Variants in LRRTM4 observed in about 807,000 individuals in gnomAD.
LRRTM4 encodes leucine rich repeat transmembrane neuronal 4, also known as leucine-rich repeat transmembrane neuronal protein 4.
A neutral mutation model predicts 47.6 loss-of-function variants in LRRTM4; 25 were observed. The observed-to-expected ratio is 0.53, with a 90% CI of 0.38 to 0.73. The LOEUF (loss-of-function observed/expected upper bound fraction) is 0.73. Among genes scored for constraint, LRRTM4 ranks in the 30% least tolerant of loss-of-function variants. The pLI, the probability that LRRTM4 is intolerant of heterozygous loss-of-function variation, is 0.00. For missense variants in LRRTM4, 638 were observed against 713.4 expected, an observed-to-expected ratio of 0.89 and a Z score of 1.20; for synonymous variants, 311 against 269.5, an observed-to-expected ratio of 1.15 and a Z score of -1.51.
chr2:77,143,907 A>G (rs1672189411), intron 3 of LRRTM4, among the ~76,000 whole-genome samples: 1 of 152,232 alleles, frequency 6.6e-6, no homozygotes, highest in Non-Finnish European at 1.5e-5. Context: ...TTACACACAG[A>G]CAAAATACAC....
At chr2:77,504,484 G>T (rs1678692626) in intron 3 of LRRTM4, among the ~76,000 whole-genome samples, 1 of 151,428 alleles carries the variant, frequency 6.6e-6, no homozygotes, top group African/African-American at 2.4e-5. Flanking sequence ...TCAGACATTG[G>T]CAGTATTATA....
intron 3 of LRRTM4, among the ~76,000 whole-genome samples, chr2:77,193,847 G>A (rs1341256375): frequency 6.6e-6 from 1 of 152,070 alleles, no homozygotes; most frequent in East Asian, 1.9e-4. Context: ...ACTGACCTGC[G>A]TTTATATCCG....
intron 3 of LRRTM4, among the ~76,000 whole-genome samples, chr2:77,313,343 C>G (rs1677518184): frequency 6.6e-6 from 1 of 151,694 alleles, no homozygotes; most frequent in African/African-American, 2.4e-5. Flanking sequence ...TTCCTGGGAC[C>G]TGGTGCTGGG....
chr2:76,976,266 T>C (rs1676415033), intron 3 of LRRTM4, among the ~76,000 whole-genome samples: 1 of 151,728 alleles, frequency 6.6e-6, no homozygotes, highest in Non-Finnish European at 1.5e-5. Context: ...TAAAAGTGCA[T>C]CTAAAATAAT....
chr2:76,900,445 C>T (rs553733215), intron 3 of LRRTM4, among the ~76,000 whole-genome samples: 6 of 152,132 alleles, frequency 3.9e-5, no homozygotes, highest in African/African-American at 1.4e-4. Context: ...AGTCATTGCT[C>T]ACATTAAGTT....
chr2:77,055,216 GGA>G (rs1679562781), intron 3 of LRRTM4, among the ~76,000 whole-genome samples: 4 of 152,160 alleles, frequency 2.6e-5, no homozygotes, highest in Admixed American at 2.0e-4. Context: ...CTGGGCTGCT[GGA>G]TACCTGATGA....
chr2:77,301,161 C>T (rs112996905), intron 3 of LRRTM4, among the ~76,000 whole-genome samples: 59 of 152,112 alleles, frequency 3.9e-4, no homozygotes, highest in African/African-American at 1.3e-3. Flanking sequence ...TTAGATGCTT[C>T]ATGGAATTTT....
chr2:77,111,967 C>T (rs1465543949), intron 3 of LRRTM4, among the ~76,000 whole-genome samples: 8 of 152,118 alleles, frequency 5.3e-5, no homozygotes, highest in East Asian at 3.9e-4. Context: ...TTTCAGGCAT[C>T]GACTGGGGGT....
intron 3 of LRRTM4, among the ~76,000 whole-genome samples, chr2:77,097,437 A>G (rs987337241): frequency 2.6e-5 from 4 of 152,124 alleles, no homozygotes; most frequent in East Asian, 3.9e-4. Flanking sequence ...TTCCACTCCA[A>G]TGAAATTAAG....
At chr2:77,123,918 AC>A (rs1179110752) in intron 3 of LRRTM4, among the ~76,000 whole-genome samples, 1 of 152,112 alleles carries the variant, frequency 6.6e-6, no homozygotes, top group African/African-American at 2.4e-5. Flanking sequence ...ATCACACTTT[AC>A]ATGCCATTGC....
At chr2:76,843,897 CTTTCT>C (rs1211455163) in intron 3 of LRRTM4, among the ~76,000 whole-genome samples, 4 of 148,948 alleles carry the variant, frequency 2.7e-5, no homozygotes, top group South Asian at 2.2e-4. Context: ...ATGATAATTT[CTTTCT>C]TTTTTCATTT....
chr2:76,898,030 C>A (rs1673481686), intron 3 of LRRTM4, among the ~76,000 whole-genome samples: 1 of 152,110 alleles, frequency 6.6e-6, no homozygotes, highest in African/African-American at 2.4e-5. Context: ...CAGATTTGCT[C>A]CTTTGTTCAG....
chr2:76,876,609 T>C (rs1317255499), intron 3 of LRRTM4, among the ~76,000 whole-genome samples: 2 of 152,068 alleles, frequency 1.3e-5, no homozygotes, highest in South Asian at 2.1e-4. Flanking sequence ...CAGATGTTTA[T>C]AGAAAGTAGA....
At chr2:77,360,742 G>T (rs997676353) in intron 3 of LRRTM4, among the ~76,000 whole-genome samples, 1 of 151,940 alleles carries the variant, frequency 6.6e-6, no homozygotes, top group Admixed American at 6.6e-5. Flanking sequence ...GTAACTAAAT[G>T]GAATTGAATG....
intron 3 of LRRTM4, among the ~76,000 whole-genome samples, chr2:77,479,826 ACTT>A (rs1238022641): frequency 6.6e-6 from 1 of 151,402 alleles, no homozygotes; most frequent in Non-Finnish European, 1.5e-5. Flanking sequence ...GGCTCATCAG[ACTT>A]CTTCAGAATG....
rs1043031683 is a variant in LRRTM4 at position 77,089,067 on chromosome 2, G to A, written c.1552-340151C>T. Among the ~76,000 whole-genome samples the A allele has an allele frequency of 1.1e-4, 16 of 151,938 alleles. No individual in the cohort carries two copies. The South Asian group carries it at 3.1e-3, about 30-fold the overall frequency. Reference sequence around the variant, plus strand: ...TGCAGGGACACCTCTCTGATTATACGCCCACGTTTCAAGGGTGTCAGACCA... The same window carrying A: ...TGCAGGGACACCTCTCTGATTATACACCCACGTTTCAAGGGTGTCAGACCA... On this transcript the variant is annotated intron_variant, in intron 3 of 3. Transcript: ENST00000409884.
At chr2:77,062,612 C>T (rs1470345484) in intron 3 of LRRTM4, among the ~76,000 whole-genome samples, 2 of 152,112 alleles carry the variant, frequency 1.3e-5, no homozygotes, top group East Asian at 3.9e-4. Context: ...TACTTTAAAA[C>T]CCTAGAATAG....
intron 3 of LRRTM4, among the ~76,000 whole-genome samples, chr2:76,849,591 A>G (rs1269578636): frequency 6.6e-6 from 1 of 152,108 alleles, no homozygotes; most frequent in Non-Finnish European, 1.5e-5. Flanking sequence ...AAGGCGACTT[A>G]AAACAATCTA....
intron 3 of LRRTM4, among the ~76,000 whole-genome samples, chr2:76,865,934 A>C (rs1180533973): frequency 6.6e-6 from 1 of 152,178 alleles, no homozygotes; most frequent in African/African-American, 2.4e-5. Flanking sequence ...TATCAGAATT[A>C]TTTTGTTGAA....
Sources: allele counts gnomAD v4.1 joint callset (sites outside exome capture counted in the v4.1 genomes callset), GRCh38; gene constraint gnomAD v4.1.1; transcripts MANE v1.5; gene names NCBI Gene and HGNC (gene_info 2026-07-23, HGNC 2026-07-21).